NDRG4: variants seen among roughly 807,000 people sequenced by gnomAD.
The protein encoded by NDRG4 is protein NDRG4.
NDRG4 carries 38 observed loss-of-function variants against 55.8 expected under a neutral mutation model. The observed-to-expected ratio is 0.68, with a 90% CI of 0.53 to 0.89. The LOEUF (loss-of-function observed/expected upper bound fraction) is 0.89, where lower values mean the gene tolerates loss of function less well. Ranked by LOEUF, NDRG4 falls within the 40% of genes least tolerant of loss-of-function variation. The probability of loss-of-function intolerance (pLI) is 0.00; values close to 1 mark genes in which losing one functional copy is unlikely to be tolerated. For synonymous variants in NDRG4, 190 were observed against 182.7 expected (o/e 1.04, Z -0.32); for missense variants, 455 against 468.6 (o/e 0.97, Z 0.27).
At chr16:58,506,519 TG>T (rs1339867410) in intron 6 of NDRG4, 38 bp from the exon 7 acceptor site, 3 of 1,598,662 alleles carry the variant, frequency 1.9e-6, no homozygotes, top group Non-Finnish European at 2.6e-6. Context: ...TAGGGTGGGG[TG>T]AGGGGCGGCA....
chr16:58,478,434 CTGTCCCAT>C (rs578093397), intron 1 of NDRG4, among the ~76,000 whole-genome samples: 1 of 151,478 alleles, frequency 6.6e-6, no homozygotes, highest in Admixed American at 6.6e-5. Context: ...GGCTGATAAA[CTGTCCCAT>C]TTGGAGAAGG....
chr16:58,505,708 ATTTTCTTTTTTTTTTT>A (rs900894353), intron 5 of NDRG4, among the ~76,000 whole-genome samples: 3 of 70,626 alleles, frequency 4.2e-5, no homozygotes, highest in East Asian at 4.2e-4. Flanking sequence ...TGAGGGCTTC[ATTTTCTTTTTTTTTTT>A]TTTTTTTTTT....
Position 58,511,684 on chromosome 16 carries a change from G to A in NDRG4, c.*108G>A. On this transcript the variant is annotated 3_prime_UTR_variant, in exon 15 of 15. Coordinates refer to ENST00000570248, the MANE Select transcript of NDRG4 (RefSeq NM_001242835.2). ...TGTGAGGGCAAAGGGGAGGAAATGG[G>A]GTTCTGTTTGAAAAAAATGAGGGGA... The A allele has an allele frequency of 7.2e-7, 1 of 1,389,092 alleles. No individual in the cohort carries two copies. Among genetic ancestry groups the A allele is most frequent in the South Asian group, 1.2e-5 (1 of 84,976 alleles). 86.0% of individuals were successfully genotyped at this position (1,389,092 alleles called of 1,614,324 possible).
At chr16:58,468,843 T>C (rs566843988) in intron 1 of NDRG4, among the ~76,000 whole-genome samples, 2 of 152,122 alleles carry the variant, frequency 1.3e-5, no homozygotes, top group Non-Finnish European at 2.9e-5. Flanking sequence ...GCCGGATGAT[T>C]TTTTTATTTT....
At chr16:58,504,057 G>A (rs994528714) in intron 2 of NDRG4, 97 bp from the exon 3 acceptor site, 87 of 1,592,128 alleles carry the variant, frequency 5.5e-5, no homozygotes, top group Non-Finnish European at 7.2e-5. Context: ...ACGGACCCGA[G>A]GCTTACACTT....
At chr16:58,482,665 A>ATCCCTCCCTTCCTTCCTCCC (rs2034555329) in intron 1 of NDRG4, among the ~76,000 whole-genome samples, 1 of 71,080 alleles carries the variant, frequency 1.4e-5, no homozygotes, top group Non-Finnish European at 3.0e-5. Context: ...CTCTCTTTCC[A>ATCCCTCCCTTCCTTCCTCCC]TCCCTCCCTT....
intron 1 of NDRG4, among the ~76,000 whole-genome samples, chr16:58,482,678 T>TTCCTCCCTCCCTTCCG (rs2151643565): frequency 7.8e-6 from 1 of 128,478 alleles, no homozygotes; most frequent in African/African-American, 3.6e-5. Flanking sequence ...CCTCCCTTCC[T>TTCCTCCCTCCCTTCCG]TCCTCCCTCC....
At chr16:58,503,044 G>A (rs1257687111) in intron 1 of NDRG4, among the ~76,000 whole-genome samples, 2 of 152,248 alleles carry the variant, frequency 1.3e-5, no homozygotes, top group Admixed American at 6.5e-5. Flanking sequence ...AGAGGCTGAG[G>A]CACAGCAGAG....
intron 5 of NDRG4, among the ~76,000 whole-genome samples, chr16:58,505,733 T>C (rs2037874546): frequency 7.3e-6 from 1 of 137,844 alleles, no homozygotes; most frequent in African/African-American, 2.8e-5. Context: ...TTTTTTTTTT[T>C]TTTTTTGAGA....
chr16:58,482,719 C>CCCTCCTTTCCTT (rs2034594047), intron 1 of NDRG4, among the ~76,000 whole-genome samples: 1 of 104,002 alleles, frequency 9.6e-6, no homozygotes, highest in African/African-American at 3.3e-5. Context: ...TTTCCTTCCT[C>CCCTCCTTTCCTT]CCTCCCTCCC....
intron 1 of NDRG4, among the ~76,000 whole-genome samples, chr16:58,483,545 A>G (rs1158301598): frequency 6.6e-6 from 1 of 152,130 alleles, no homozygotes; most frequent in Non-Finnish European, 1.5e-5. Context: ...TCTGTCCCCC[A>G]GCCAAAGGGG....
Position 58,509,319 on chromosome 16 carries a change from G to C in NDRG4, c.832G>C (p.Ala278Pro), listed in dbSNP as rs764758742. The stretch of plus-strand genomic sequence containing the variant: ...TCCGCAGCCAGGGAAGCTGACTGAA[G>C]CCTTCAAATACTTCCTGCAAGGCAT... ...QVTQPGKLTE[A>P]FKYFLQGMGY... Residue 278 changes from alanine (A) to proline (P), a missense_variant, in exon 13 of 15, where the codon GCC becomes CCC. By Grantham distance (27) the Ala-to-Pro change is conservative (BLOSUM62 -1). Transcript: ENST00000570248. The C allele has an allele frequency of 1.9e-6, 3 of 1,614,072 alleles. No homozygotes were observed. The highest frequency in any genetic ancestry group is 2.5e-6 in the Non-Finnish European group (3 of 1,180,012).
Position 58,506,601 on chromosome 16 carries a change from A to G in NDRG4, c.503A>G (p.His168Arg). The change falls in exon 7 of 15, where the codon CAC (histidine) becomes CGC (arginine). Residue 168 changes from histidine to arginine, a missense_variant. Transcript: ENST00000570248. ...TSTLPDTVLS[H>R]LFSQEELVNN... ...ACTTTACCCGACACGGTGCTCTCCC[A>G]CCTCTTCAGCCAGGTAAGGGGGGGA... is the stretch of plus-strand genomic sequence containing the variant. The G allele has an allele frequency of 1.3e-6, 2 of 1,560,272 alleles. No individual in the cohort carries two copies. The highest frequency in any genetic ancestry group is 1.7e-6 in the Non-Finnish European group (2 of 1,155,542).
At chr16:58,466,252 G>A (rs2031657764) in intron 1 of NDRG4, among the ~76,000 whole-genome samples, 1 of 152,230 alleles carries the variant, frequency 6.6e-6, no homozygotes, top group Non-Finnish European at 1.5e-5. Flanking sequence ...CTGACCTCAA[G>A]TGATCCACCT....
Position 58,508,988 on chromosome 16 carries a change from G to A in NDRG4, c.756G>A (p.Pro252=), listed in dbSNP as rs200438297. Residue 252 remains proline (P), a synonymous_variant, in exon 11 of 15, where the codon CCG becomes CCA. Coordinates refer to ENST00000570248, the MANE Select transcript of NDRG4 (RefSeq NM_001242835.2). ...GVVECNSKLD[P]TTTTFLKMAD... ...TGGAGTGCAACTCCAAACTGGACCCGACCACTACGACCTTCCTGAAGGTGA... is the reference window on the plus strand; with the variant it reads ...TGGAGTGCAACTCCAAACTGGACCCAACCACTACGACCTTCCTGAAGGTGA... 64 of 1,613,926 alleles carry A rather than the reference G, an allele frequency of 4.0e-5. No individual in the cohort carries two copies. Among genetic ancestry groups the A allele is most frequent in the Non-Finnish European group, 5.1e-5 (60 of 1,180,008 alleles).
chr16:58,484,410 C>G (rs2034832025), intron 1 of NDRG4, among the ~76,000 whole-genome samples: 1 of 152,162 alleles, frequency 6.6e-6, no homozygotes, highest in African/African-American at 2.4e-5. Flanking sequence ...TATTGTACCT[C>G]AGACTTCTCT....
At chr16:58,471,901 G>T (rs543008952) in intron 1 of NDRG4, among the ~76,000 whole-genome samples, 65 of 152,166 alleles carry the variant, frequency 4.3e-4, no homozygotes, top group Non-Finnish European at 7.6e-4. Flanking sequence ...GTGTGTGTGT[G>T]AGAGAGAGCA....
intron 1 of NDRG4, among the ~76,000 whole-genome samples, chr16:58,480,037 G>A (rs970454897): frequency 2.0e-5 from 3 of 152,218 alleles, no homozygotes; most frequent in Admixed American, 2.0e-4. Context: ...GACACAGGTA[G>A]GATTTGAGAG....
upstream of NDRG4, chr16:58,497,071 C>G (rs2036494531): frequency 6.6e-6 from 1 of 152,148 alleles, no homozygotes; most frequent in Admixed American, 6.5e-5. Context: ...CCTGTAATCT[C>G]AGCACTTTCG....
Sources: allele counts gnomAD v4.1 joint callset (sites outside exome capture counted in the v4.1 genomes callset), GRCh38; gene constraint gnomAD v4.1.1; transcripts MANE v1.5; gene names NCBI Gene and HGNC (gene_info 2026-07-23, HGNC 2026-07-21).